Variants in PPM1E observed in about 807,000 individuals in gnomAD.
PPM1E encodes the protein protein phosphatase 1E.
In PPM1E, 20 loss-of-function variants were observed where a neutral mutation model predicts 65.9. The ratio of observed to expected loss-of-function variants is 0.30; its 90% CI spans 0.21 to 0.44. The LOEUF is 0.44. PPM1E is among the 20% of genes least tolerant of loss of function. PPM1E has a pLI of 1.00. For synonymous variants in PPM1E, 352 were observed against 374.9 expected, an observed-to-expected ratio of 0.94 and a Z score of 0.70; for missense variants, 713 against 953.1, an observed-to-expected ratio of 0.75 and a Z score of 3.32.
intron 1 of PPM1E, among the ~76,000 whole-genome samples, chr17:58,860,731 G>A (rs2143299971): frequency 6.6e-6 from 1 of 152,258 alleles, no homozygotes. Flanking sequence ...ACCGCCTGAG[G>A]TCAGGAATTC....
intron 1 of PPM1E, among the ~76,000 whole-genome samples, chr17:58,952,153 T>TA (rs1447800910): frequency 1.3e-5 from 2 of 152,216 alleles, no homozygotes; most frequent in Non-Finnish European, 2.9e-5. Context: ...CCTAGGCTGT[T>TA]AGAGTTTATG....
intron 1 of PPM1E, among the ~76,000 whole-genome samples, chr17:58,848,804 G>T (rs1433068085): frequency 2.6e-5 from 4 of 152,192 alleles, no homozygotes; most frequent in African/African-American, 7.2e-5. Flanking sequence ...AATTAGGGAG[G>T]ATTCCCTCTT....
At chr17:58,904,236 G>T (rs921613094) in intron 1 of PPM1E, among the ~76,000 whole-genome samples, 1 of 152,164 alleles carries the variant, frequency 6.6e-6, no homozygotes, top group African/African-American at 2.4e-5. Context: ...GGGTTGGCAT[G>T]TACTATCATC....
At chr17:58,906,408 G>A (rs1266976293) in intron 1 of PPM1E, among the ~76,000 whole-genome samples, 1 of 151,926 alleles carries the variant, frequency 6.6e-6, no homozygotes, top group Admixed American at 6.6e-5. Context: ...GCACTGCCAG[G>A]GCTCACTGCA....
intron 5 of PPM1E, 30 bp from the exon 6 acceptor site, chr17:58,972,802 T>A: frequency 1.9e-6 from 3 of 1,550,564 alleles, no homozygotes; most frequent in Non-Finnish European, 2.7e-6. Context: ...AATCCAGTTA[T>A]TTGCTTCTTT....
intron 1 of PPM1E, among the ~76,000 whole-genome samples, chr17:58,772,234 G>A (rs1222702095): frequency 4.6e-5 from 7 of 152,100 alleles, no homozygotes; most frequent in Non-Finnish European, 7.3e-5. Context: ...CAAGGCAGGG[G>A]ATCACAAGGT....
chr17:58,761,710 G>T (rs545840121), intron 1 of PPM1E, among the ~76,000 whole-genome samples: 1 of 151,980 alleles, frequency 6.6e-6, no homozygotes, highest in Non-Finnish European at 1.5e-5. Context: ...TTTGCTTACC[G>T]TCCTCACACT....
At chr17:58,880,323 T>C (rs1293958011) in intron 1 of PPM1E, among the ~76,000 whole-genome samples, 1 of 152,206 alleles carries the variant, frequency 6.6e-6, no homozygotes, top group Admixed American at 6.5e-5. Flanking sequence ...TTCAAAATAG[T>C]CAATATGTCA....
intron 1 of PPM1E, among the ~76,000 whole-genome samples, chr17:58,910,557 T>C (rs1244229876): frequency 6.6e-6 from 1 of 152,218 alleles, no homozygotes; most frequent in Non-Finnish European, 1.5e-5. Context: ...AATTTTTTCT[T>C]AATAGCCAGA....
intron 1 of PPM1E, among the ~76,000 whole-genome samples, chr17:58,794,262 T>A (rs2050185318): frequency 6.6e-6 from 1 of 152,022 alleles, no homozygotes; most frequent in South Asian, 2.1e-4. Flanking sequence ...AATTTTTTTT[T>A]AGAGACAAGG....
intron 1 of PPM1E, among the ~76,000 whole-genome samples, chr17:58,788,942 C>T (rs2050129800): frequency 6.6e-6 from 1 of 152,212 alleles, no homozygotes; most frequent in Non-Finnish European, 1.5e-5. Context: ...CCAGAACTCA[C>T]CTAAGCAGCC....
chr17:58,976,863 G>C (rs1015330629), intron 6 of PPM1E, among the ~76,000 whole-genome samples: 3 of 152,124 alleles, frequency 2.0e-5, no homozygotes, highest in Non-Finnish European at 4.4e-5. Flanking sequence ...GTGTGACTCA[G>C]ATCACATTTA....
At chr17:58,790,773 C>G (rs1044826813) in intron 1 of PPM1E, among the ~76,000 whole-genome samples, 3 of 152,198 alleles carry the variant, frequency 2.0e-5, no homozygotes, top group African/African-American at 7.2e-5. Flanking sequence ...TGTGAACATC[C>G]AGTCCAGTCC....
chr17:58,923,478 G>T (rs923109517), intron 1 of PPM1E, among the ~76,000 whole-genome samples: 1 of 151,828 alleles, frequency 6.6e-6, no homozygotes, highest in African/African-American at 2.4e-5. Context: ...GGGCATAGTG[G>T]CTCACGCCTG....
rs1012573731 is a variant in PPM1E at position 58,764,621 on chromosome 17, G to GT, written c.464+8168dup. ...TGGCTAGTTTCTTCTCTTTTGGTTT[G>GT]TTTTTTTTGTTTTTGAAACAGAGTC... On this transcript the variant is annotated intron_variant, in intron 1 of 6. Transcript: ENST00000308249. 4.6e-5 allele frequency among the ~76,000 whole-genome samples: 7 copies of GT among 151,764 alleles called. No individual in the cohort carries two copies. In the South Asian group the frequency reaches 6.3e-4, roughly 14 times the overall value.
intron 1 of PPM1E, among the ~76,000 whole-genome samples, chr17:58,818,121 A>G (rs1182254151): frequency 1.3e-5 from 2 of 152,184 alleles, no homozygotes; most frequent in African/African-American, 2.4e-5. Flanking sequence ...ACAATATTAA[A>G]CAGGAAAAAA....
At chr17:58,972,705 C>A (rs978673055) in intron 5 of PPM1E, 127 bp from the exon 6 acceptor site, 9 of 846,948 alleles carry the variant, frequency 1.1e-5, no homozygotes, top group Non-Finnish European at 9.6e-6. Flanking sequence ...TGTGCCCACC[C>A]TCCAATGGAG....
At chr17:58,831,626 C>T (rs7209253) in intron 1 of PPM1E, among the ~76,000 whole-genome samples, 96,811 of 152,018 alleles carry the variant, frequency 0.64, 31,201 homozygotes, top group African/African-American at 0.71. Context: ...TCCTTATACC[C>T]GCTGTCTGAG....
chr17:58,816,718 G>T, intron 1 of PPM1E, among the ~76,000 whole-genome samples: 1 of 130,276 alleles, frequency 7.7e-6, no homozygotes, highest in African/African-American at 2.9e-5. Context: ...GTTCATGCAT[G>T]TTGTAGCATG....
Sources: gnomAD v4.1 joint callset for allele counts (sites outside exome capture counted in the v4.1 genomes callset) on GRCh38, gnomAD v4.1.1 for gene constraint, MANE v1.5 for transcripts, NCBI Gene and HGNC (gene_info 2026-07-23, HGNC 2026-07-21) for gene names.